The following SRP19 variants were observed in gnomAD, a reference collection of about 807,000 sequenced individuals.
SRP19 encodes the protein signal recognition particle 19 kDa protein.
A neutral mutation model predicts 22.4 loss-of-function variants in SRP19; 11 were observed. The ratio of observed to expected loss-of-function variants is 0.49; its 90% CI spans 0.31 to 0.81. SRP19 has a LOEUF of 0.81. Ranked by LOEUF, SRP19 falls within the 40% of genes least tolerant of loss-of-function variation. The probability of loss-of-function intolerance (pLI) is 0.05; values close to 1 mark genes in which losing one functional copy is unlikely to be tolerated. For synonymous variants in SRP19, 61 were observed against 57.6 expected (o/e 1.06, Z -0.27); for missense variants, 168 against 175.9 (o/e 0.96, Z 0.25).
intron 4 of SRP19, among the ~76,000 whole-genome samples, chr5:112,883,404 T>C (rs923270934): frequency 3.3e-5 from 5 of 152,114 alleles, no homozygotes; most frequent in African/African-American, 1.2e-4. Context: ...ACAGATCACT[T>C]CTCCTCTCTG....
intron 4 of SRP19, among the ~76,000 whole-genome samples, chr5:112,875,392 A>G (rs1322324566): frequency 6.7e-6 from 1 of 149,568 alleles, no homozygotes; most frequent in Non-Finnish European, 1.5e-5. Context: ...TTTTTGAGAC[A>G]GGGTCTGGCC....
At chr5:112,862,477 G>T (rs368648697) in intron 1 of SRP19, 31 bp from the exon 2 acceptor site, 14 of 1,601,662 alleles carry the variant, frequency 8.7e-6, no homozygotes, top group Non-Finnish European at 1.2e-5. Flanking sequence ...TACTGCTCTA[G>T]TGATACCACT....
intron 4 of SRP19, among the ~76,000 whole-genome samples, chr5:112,887,582 C>G (rs75310047): frequency 1.3e-5 from 2 of 152,204 alleles, no homozygotes; most frequent in African/African-American, 4.8e-5. Context: ...GAGGCCTGTG[C>G]TTGGTAGGCT....
chr5:112,867,237 C>T (rs745470383), intron 4 of SRP19, 167 bp from the exon 5 acceptor site: 12 of 676,796 alleles, frequency 1.8e-5, no homozygotes, highest in African/African-American at 9.0e-5. Context: ...ACATTTCCCC[C>T]GACTTGAGCT....
chr5:112,864,409 G>A, intron 2 of SRP19, 48 bp from the exon 3 acceptor site: 3 of 1,493,380 alleles, frequency 2.0e-6, no homozygotes, highest in Non-Finnish European at 2.8e-6. Context: ...CTATGGCAGT[G>A]TCCACTTAAA....
At chr5:112,892,004 AAG>A (rs563712600) in exon 5 of SRP19, 58 of 1,273,612 alleles carry the variant, frequency 4.6e-5, no homozygotes, top group Non-Finnish European at 5.5e-5. Context: ...CAGCAGAGGA[AAG>A]AGAGAGAAGA....
chr5:112,885,320 T>C, intron 4 of SRP19: 1 of 174,402 alleles, frequency 5.7e-6, no homozygotes, highest in South Asian at 1.0e-4. Context: ...CAGCAAGTGG[T>C]AGATTTAGAA....
chr5:112,867,356 A>G, intron 4 of SRP19, 48 bp from the exon 5 acceptor site: 2 of 1,576,456 alleles, frequency 1.3e-6, no homozygotes, highest in Admixed American at 3.7e-5. Flanking sequence ...ATGACTTTTT[A>G]TGTCTTATTT....
At chr5:112,874,155 G>C (rs997089752), downstream of SRP19, among the ~76,000 whole-genome samples, 9 of 152,104 alleles carry the variant, frequency 5.9e-5, no homozygotes, top group South Asian at 2.1e-4. Flanking sequence ...GACAGAGTGA[G>C]TCCTTGTCTC....
At chr5:112,878,867 T>A in intron 4 of SRP19, 9 of 1,613,768 alleles carry the variant, frequency 5.6e-6, no homozygotes, top group Non-Finnish European at 7.6e-6. Flanking sequence ...AAGAAAAATA[T>A]ATCAAAGCTC....
downstream of SRP19, among the ~76,000 whole-genome samples, chr5:112,874,776 A>ATT (rs34164046): frequency 3.4e-4 from 46 of 134,738 alleles, 1 homozygote; most frequent in Middle Eastern, 3.8e-3. Context: ...ATGTGCGCCA[A>ATT]TTTTTTTTTT....
At chr5:112,893,094 TAAAAA>T (rs552226372), downstream of SRP19, 145,845 of 493,688 alleles carry the variant, frequency 0.3, 13,543 homozygotes, top group African/African-American at 0.56. Context: ...GTTTTGTTCT[TAAAAA>T]AAAAAAAAAA....
chr5:112,890,300 A>G (rs1326974709), intron 4 of SRP19, among the ~76,000 whole-genome samples: 1 of 150,524 alleles, frequency 6.6e-6, no homozygotes, highest in African/African-American at 2.5e-5. Flanking sequence ...AAAAAGACAA[A>G]AAAAAGTTGA....
At chr5:112,891,156 TC>T in intron 4 of SRP19, among the ~76,000 whole-genome samples, 1 of 142,096 alleles carries the variant, frequency 7.0e-6, no homozygotes, top group African/African-American at 2.9e-5. Flanking sequence ...CACTGCAACC[TC>T]TGCCTCCTGG....
At position 112,867,999 on chromosome 5, in the gene SRP19, A is replaced by G. The variant is rs552983523; in HGVS notation, c.*462A>G. ...TGAAAGTTTCCATAGTGTGAGGCTA[A>G]AACTAGAAGAAACTGTGGTAGGTCC... is the stretch of plus-strand genomic sequence containing the variant. On this transcript the variant is annotated 3_prime_UTR_variant, in exon 5 of 5. Coordinates refer to ENST00000505459, the MANE Select transcript of SRP19 (RefSeq NM_003135.3). 3.7e-4 allele frequency: 362 copies of G among 986,500 alleles called. No individual in the cohort carries two copies. The highest frequency in any genetic ancestry group is 2.1e-3 in the Middle Eastern group (4 of 1,914). 61.1% of individuals were successfully genotyped at this position (986,500 alleles called of 1,614,324 possible). A position where few individuals can be genotyped will look rare whatever the true frequency, so the allele number is the denominator to read the frequency against.
At chr5:112,894,047 CA>C (rs775082252), downstream of SRP19, 1 of 152,204 alleles carries the variant, frequency 6.6e-6, no homozygotes, top group Non-Finnish European at 1.5e-5. Flanking sequence ...TTAATTACAG[CA>C]GACCCTGCAA....
chr5:112,873,271 CTT>C (rs35379154), downstream of SRP19, among the ~76,000 whole-genome samples: 5 of 50,720 alleles, frequency 9.9e-5, no homozygotes, highest in East Asian at 7.6e-4. Flanking sequence ...CTCAGGTTTT[CTT>C]TTTTTTTTTT....
At chr5:112,872,964 A>C (rs933903121), downstream of SRP19, among the ~76,000 whole-genome samples, 26 of 152,204 alleles carry the variant, frequency 1.7e-4, no homozygotes, top group African/African-American at 6.3e-4. Flanking sequence ...TAAGGAATTC[A>C]AGGGAATTGC....
Position 112,861,316 on chromosome 5 carries a change from C to G in SRP19, c.-61C>G. ...TGTCTCGGAAACTCAGAGCCGGGTTCCTCCCGGGTTTCTGCCGGGTTTCTC... is the reference window on the plus strand; with the variant it reads ...TGTCTCGGAAACTCAGAGCCGGGTTGCTCCCGGGTTTCTGCCGGGTTTCTC... On this transcript the variant is annotated 5_prime_UTR_variant, in exon 1 of 5. Transcript: ENST00000505459. 6.3e-7 allele frequency: 1 copy of G among 1,595,130 alleles called. No individual in the cohort carries two copies.
Sources: allele counts gnomAD v4.1 joint callset (sites outside exome capture counted in the v4.1 genomes callset), GRCh38; gene constraint gnomAD v4.1.1; transcripts MANE v1.5; gene names NCBI Gene and HGNC (gene_info 2026-07-23, HGNC 2026-07-21).